GDAP1: variants seen among roughly 807,000 people sequenced by gnomAD.
GDAP1 encodes the protein ganglioside induced differentiation associated protein 1, also known as ganglioside-induced differentiation-associated protein 1.
GDAP1 carries 34 observed loss-of-function variants against 40.1 expected under a neutral mutation model. The observed-to-expected ratio is 0.85, with a 90% CI of 0.64 to 1.13. The LOEUF (loss-of-function observed/expected upper bound fraction) is 1.13. Ranked by LOEUF, GDAP1 falls within the 50% of genes most tolerant of loss-of-function variation. GDAP1 has a pLI of 0.00. For synonymous variants in GDAP1, 170 were observed against 157.4 expected (o/e 1.08, Z -0.60); for missense variants, 374 against 433.7 (o/e 0.86, Z 1.22).
At chr8:74,443,578 A>G (rs955025911) in intron 2 of GDAP1, among the ~76,000 whole-genome samples, 45 of 152,262 alleles carry the variant, frequency 3.0e-4, no homozygotes, top group Admixed American at 9.2e-4. Context: ...AGGTTGGAGG[A>G]TTGCTTGAGC....
At chr8:74,484,114 AATT>A (rs1806746511) in intron 2 of GDAP1, among the ~76,000 whole-genome samples, 1 of 152,206 alleles carries the variant, frequency 6.6e-6, no homozygotes, top group African/African-American at 2.4e-5. Context: ...TACTAATTAA[AATT>A]ATTATTTGAT....
At chr8:74,469,484 C>G (rs1298468125) in intron 2 of GDAP1, among the ~76,000 whole-genome samples, 2 of 151,600 alleles carry the variant, frequency 1.3e-5, no homozygotes, top group African/African-American at 4.8e-5. Context: ...TTGGCTAACA[C>G]GATGAAACCC....
intron 2 of GDAP1, among the ~76,000 whole-genome samples, chr8:74,422,331 T>TC (rs1805878718): frequency 1.5e-5 from 1 of 66,356 alleles, no homozygotes; most frequent in African/African-American, 8.0e-5. Context: ...CTTTCTTTCT[T>TC]TCTTTCTTTC....
intron 2 of GDAP1, among the ~76,000 whole-genome samples, chr8:74,436,792 C>T (rs1243394848): frequency 6.6e-6 from 1 of 152,060 alleles, no homozygotes; most frequent in South Asian, 2.1e-4. Flanking sequence ...CGGCCCTTTA[C>T]CCCCCATAAG....
chr8:74,467,935 A>G (rs1806494409), intron 2 of GDAP1, among the ~76,000 whole-genome samples: 1 of 151,718 alleles, frequency 6.6e-6, no homozygotes, highest in African/African-American at 2.4e-5. Flanking sequence ...TCTCTTGGAC[A>G]ATTTTCTTAG....
chr8:74,478,383 AG>A (rs1806662628), intron 2 of GDAP1, among the ~76,000 whole-genome samples: 1 of 151,906 alleles, frequency 6.6e-6, no homozygotes, highest in Non-Finnish European at 1.5e-5. Flanking sequence ...CAGTACAGGG[AG>A]GGCGTGGGTA....
intron 2 of GDAP1, among the ~76,000 whole-genome samples, chr8:74,460,461 A>T (rs1806386831): frequency 6.6e-6 from 1 of 152,174 alleles, no homozygotes; most frequent in South Asian, 2.1e-4. Context: ...TCATGTCGCC[A>T]ATTTTACTAA....
At chr8:74,396,690 G>GT (rs978179186) in intron 2 of GDAP1, among the ~76,000 whole-genome samples, 25 of 151,970 alleles carry the variant, frequency 1.6e-4, no homozygotes, top group African/African-American at 5.8e-4. Context: ...TGAACTCATC[G>GT]TTTTTTCTGG....
chr8:74,367,948 A>G (rs1399455681), downstream of GDAP1, among the ~76,000 whole-genome samples: 1 of 152,168 alleles, frequency 6.6e-6, no homozygotes, highest in Non-Finnish European at 1.5e-5. Context: ...GTAGCACTTG[A>G]GACAAAACAT....
In GDAP1 at chr8:74,361,881, C is replaced by G; in HGVS notation, c.485-3C>G. The G allele has an allele frequency of 6.4e-7, 1 of 1,550,698 alleles. No individual in the cohort carries two copies. Among genetic ancestry groups the G allele is most frequent in the Non-Finnish European group, 8.9e-7 (1 of 1,121,388 alleles). The stretch of plus-strand genomic sequence containing the variant: ...TCTGTTTCCAAAATGTTTTTATTAT[C>G]AGGCCAAATTGGAAACACAGAGTCT... On this transcript the variant is annotated splice_region_variant and splice_polypyrimidine_tract_variant and intron_variant, in intron 3 of 5. Coordinates refer to ENST00000220822, the MANE Select transcript of GDAP1 (RefSeq NM_018972.4).
chr8:74,425,758 A>G (rs1280887172), intron 2 of GDAP1, among the ~76,000 whole-genome samples: 1 of 152,244 alleles, frequency 6.6e-6, no homozygotes, highest in African/African-American at 2.4e-5. Flanking sequence ...GTCAAGTGTT[A>G]GCTAACAATT....
rs190409952 is a variant in GDAP1 at position 74,375,836 on chromosome 8, A to T, written c.165+24515A>T. ...GGTATAAAATTTTAAAGGAATAAGA[A>T]AAATTGTTTCTATTTGTAATTGATA... On this transcript the variant is annotated intron_variant, in intron 2 of 2. Coordinates refer to the GDAP1 transcript ENST00000523640. 1.2e-3 allele frequency among the ~76,000 whole-genome samples: 190 copies of T among 152,338 alleles called. 3 individuals carry two copies. Among genetic ancestry groups the T allele is most frequent in the Non-Finnish European group, 1.8e-3 (125 of 68,024 alleles).
At chr8:74,480,992 A>G (rs1004213815) in intron 2 of GDAP1, among the ~76,000 whole-genome samples, 1 of 152,210 alleles carries the variant, frequency 6.6e-6, no homozygotes, top group Admixed American at 6.5e-5. Flanking sequence ...AAAAACTAGT[A>G]GTTGATATTT....
intron 2 of GDAP1, among the ~76,000 whole-genome samples, chr8:74,409,716 T>TGGTTATTGC (rs1805684438): frequency 6.7e-6 from 1 of 149,980 alleles, no homozygotes; most frequent in African/African-American, 2.5e-5. Flanking sequence ...AATTGAAACT[T>TGGTTATTGC]ACCAGGTTAT....
Position 74,365,539 on chromosome 8 carries a change from T to A in GDAP1, c.*1172T>A, listed in dbSNP as rs1314670545. On this transcript the variant is annotated 3_prime_UTR_variant, in exon 6 of 6. Transcript: ENST00000220822. ...GACAGGAAGACAGTTTCCCTGGAGC[T>A]GGCCATGAAGGCCTTAGAAGCCATT... The A allele has an allele frequency of 4.4e-6, 2 of 454,292 alleles. No homozygotes were observed. The highest frequency in any genetic ancestry group is 8.8e-6 in the Non-Finnish European group (2 of 226,788). 28.1% of individuals were successfully genotyped at this position (454,292 alleles called of 1,614,324 possible). A position where few individuals can be genotyped will look rare whatever the true frequency, so the allele number is the denominator to read the frequency against.
intron 2 of GDAP1, among the ~76,000 whole-genome samples, chr8:74,480,225 A>G (rs560150124): frequency 6.6e-6 from 1 of 152,022 alleles, no homozygotes; most frequent in Admixed American, 6.6e-5. Context: ...CCTGACCTCA[A>G]GATCACCCGC....
Position 74,402,663 on chromosome 8 carries a change from A to G in GDAP1, c.165+51342A>G, listed in dbSNP as rs540787473. Among the ~76,000 whole-genome samples the G allele has an allele frequency of 4.7e-3, 708 of 150,382 alleles. 74 individuals carry two copies. The highest frequency in any genetic ancestry group is 0.015 in the African/African-American group (611 of 39,666). On this transcript the variant is annotated intron_variant, in intron 2 of 2. Transcript: ENST00000523640. ...TTCTGTGTCGCTCATGCTGGGAGCT[A>G]TAGACTGGAGCTATTCCTATTCGGC...
At chr8:74,436,590 T>G (rs1806091557) in intron 2 of GDAP1, among the ~76,000 whole-genome samples, 1 of 151,990 alleles carries the variant, frequency 6.6e-6, no homozygotes, top group Non-Finnish European at 1.5e-5. Flanking sequence ...AGCTGGCTAA[T>G]TTTTGTATTT....
At chr8:74,446,263 G>A (rs1806225276) in intron 2 of GDAP1, among the ~76,000 whole-genome samples, 1 of 152,106 alleles carries the variant, frequency 6.6e-6, no homozygotes, top group South Asian at 2.1e-4. Context: ...GCCCTCATCA[G>A]AATTTCTGAG....
Sources: gnomAD v4.1 joint callset for allele counts (sites outside exome capture counted in the v4.1 genomes callset) on GRCh38, gnomAD v4.1.1 for gene constraint, MANE v1.5 for transcripts, NCBI Gene and HGNC (gene_info 2026-07-23, HGNC 2026-07-21) for gene names.